The following RIN3 variants were observed in gnomAD, a reference collection of about 807,000 sequenced individuals.
The protein encoded by RIN3 is Ras and Rab interactor 3, also known as RAB5 interacting protein 3.
Under a neutral mutation model 76.3 loss-of-function variants are expected in RIN3, and 54 were observed. The observed-to-expected ratio is 0.71, with a 90% CI of 0.57 to 0.89. RIN3 has a LOEUF of 0.89. RIN3 is among the 40% of genes least tolerant of loss of function. The pLI is 0.00. For synonymous variants in RIN3, 576 were observed against 564.0 expected (o/e 1.02, Z -0.30); for missense variants, 1,256 against 1,322.1 (o/e 0.95, Z 0.78).
At chr14:92,557,459 G>A (rs550460070) in intron 2 of RIN3, among the ~76,000 whole-genome samples, 9 of 152,352 alleles carry the variant, frequency 5.9e-5, no homozygotes, top group East Asian at 3.9e-4. Flanking sequence ...TGGTTGCAGC[G>A]CTTGTCTGCC....
chr14:92,634,198 C>G (rs1207360220), intron 4 of RIN3, among the ~76,000 whole-genome samples: 1 of 151,734 alleles, frequency 6.6e-6, no homozygotes, highest in African/African-American at 2.4e-5. Context: ...CCTCAGCCTC[C>G]CACATAGCTG....
At chr14:92,529,250 T>A (rs1896822886) in intron 1 of RIN3, among the ~76,000 whole-genome samples, 2 of 151,926 alleles carry the variant, frequency 1.3e-5, no homozygotes, top group African/African-American at 4.8e-5. Flanking sequence ...AACCTTTTTT[T>A]TTCTTTTTTT....
At chr14:92,552,653 T>A (rs1245211624) in intron 1 of RIN3, among the ~76,000 whole-genome samples, 1 of 152,016 alleles carries the variant, frequency 6.6e-6, no homozygotes, top group Non-Finnish European at 1.5e-5. Flanking sequence ...TGCCTGGACA[T>A]CTCTTCCCCA....
intron 4 of RIN3, among the ~76,000 whole-genome samples, chr14:92,630,600 G>C (rs1886540460): frequency 6.6e-6 from 1 of 152,230 alleles, no homozygotes; most frequent in Non-Finnish European, 1.5e-5. Context: ...TGTCCAGGGA[G>C]CTCTGGAGCC....
intron 2 of RIN3, among the ~76,000 whole-genome samples, chr14:92,572,221 C>A (rs917849173): frequency 6.6e-6 from 1 of 152,202 alleles, no homozygotes; most frequent in Non-Finnish European, 1.5e-5. Flanking sequence ...TGTCTGCATG[C>A]GCAGTGGTCC....
At chr14:92,641,350 TA>T in intron 5 of RIN3, 21 bp downstream of exon 5, 1 of 1,588,328 alleles carries the variant, frequency 6.3e-7, no homozygotes, top group Non-Finnish European at 8.6e-7. Context: ...TCCGAGGGGT[TA>T]GGGGAGCTGG....
At chr14:92,635,068 C>T (rs1030263156) in intron 4 of RIN3, among the ~76,000 whole-genome samples, 7 of 152,082 alleles carry the variant, frequency 4.6e-5, no homozygotes, top group South Asian at 2.1e-4. Flanking sequence ...AGTGTTCAGG[C>T]GGAGGCCCCA....
chr14:92,525,639 A>G (rs527466562), intron 1 of RIN3, among the ~76,000 whole-genome samples: 42 of 152,074 alleles, frequency 2.8e-4, no homozygotes, highest in Non-Finnish European at 4.9e-4. Context: ...GTGGGCCGCC[A>G]AGGGAGAGGG....
chr14:92,596,955 C>T (rs534697207), intron 3 of RIN3, among the ~76,000 whole-genome samples: 215 of 152,336 alleles, frequency 1.4e-3, no homozygotes, highest in Non-Finnish European at 2.0e-3. Context: ...CTTATGGAAA[C>T]TGGCAAATGC....
chr14:92,657,548 G>A (rs180913246), intron 6 of RIN3, among the ~76,000 whole-genome samples: 11 of 152,280 alleles, frequency 7.2e-5, no homozygotes, highest in South Asian at 2.1e-4. Flanking sequence ...TGAAGGGGCC[G>A]GGAGGGCGTG....
At chr14:92,592,299 G>T (rs1193257212) in intron 3 of RIN3, among the ~76,000 whole-genome samples, 1 of 151,494 alleles carries the variant, frequency 6.6e-6, no homozygotes, top group Non-Finnish European at 1.5e-5. Context: ...TACTCGAGAG[G>T]CTGAGACAAG....
intron 2 of RIN3, 34 bp downstream of exon 2, chr14:92,555,989 C>G: frequency 6.3e-7 from 1 of 1,585,516 alleles, no homozygotes; most frequent in African/African-American, 1.3e-5. Flanking sequence ...GGTAGGCACA[C>G]ACACCTGTGA....
At chr14:92,657,564 A>G (rs1316745054) in intron 6 of RIN3, among the ~76,000 whole-genome samples, 1 of 152,186 alleles carries the variant, frequency 6.6e-6, no homozygotes, top group Admixed American at 6.5e-5. Context: ...GCGTGGGCAC[A>G]GCCCTCTCAT....
intron 8 of RIN3, among the ~76,000 whole-genome samples, chr14:92,680,200 CTT>C (rs34005662): frequency 1.2e-4 from 16 of 134,264 alleles, no homozygotes; most frequent in Admixed American, 2.2e-4. Context: ...CTCTCTGGCA[CTT>C]TTTTTTTTTT....
intron 1 of RIN3, among the ~76,000 whole-genome samples, chr14:92,535,140 T>G (rs1432033777): frequency 6.6e-6 from 1 of 152,188 alleles, no homozygotes; most frequent in Non-Finnish European, 1.5e-5. Flanking sequence ...TCTTTTCACA[T>G]GCTCACAGCC....
At chr14:92,638,411 C>G (rs1380860556) in intron 4 of RIN3, among the ~76,000 whole-genome samples, 1 of 152,112 alleles carries the variant, frequency 6.6e-6, no homozygotes, top group Non-Finnish European at 1.5e-5. Context: ...AAGGCCAGAC[C>G]AGGGGAGGCC....
intron 1 of RIN3, among the ~76,000 whole-genome samples, chr14:92,535,240 C>A (rs74072934): frequency 0.019 from 2,958 of 152,240 alleles, 103 homozygotes; most frequent in African/African-American, 0.068. Context: ...GGTGTGTACA[C>A]TGTGCTTATG....
intron 8 of RIN3, among the ~76,000 whole-genome samples, chr14:92,677,415 C>T (rs1415362113): frequency 6.6e-6 from 1 of 152,176 alleles, no homozygotes; most frequent in African/African-American, 2.4e-5. Flanking sequence ...CCTGAGGGTT[C>T]CCCTTGGGCT....
intron 1 of RIN3, among the ~76,000 whole-genome samples, chr14:92,544,414 TGGGGGGGGGG>T (rs71123353): frequency 4.0e-5 from 3 of 74,546 alleles, no homozygotes; most frequent in African/African-American, 1.1e-4. Context: ...GTGACAGCTG[TGGGGGGGGGG>T]GGGGGGTGGG....
Sources: gnomAD v4.1 joint callset for allele counts (sites outside exome capture counted in the v4.1 genomes callset) on GRCh38, gnomAD v4.1.1 for gene constraint, MANE v1.5 for transcripts, NCBI Gene and HGNC (gene_info 2026-07-23, HGNC 2026-07-21) for gene names.